Variants in SLC9A9 observed in about 807,000 individuals in gnomAD.
The protein encoded by SLC9A9 is sodium/hydrogen exchanger 9.
SLC9A9 carries 62 observed loss-of-function variants against 77.8 expected under a neutral mutation model. That is an observed-to-expected ratio of 0.80 (90% CI 0.65 to 0.98). SLC9A9 has a LOEUF of 0.98. Among genes scored for constraint, SLC9A9 ranks in the 50% least tolerant of loss-of-function variants. SLC9A9 has a pLI of 0.00. For synonymous variants in SLC9A9, 320 were observed against 283.5 expected (o/e 1.13, Z -1.29); for missense variants, 775 against 774.9 (o/e 1.00, Z 0.00).
At chr3:143,750,356 A>G (rs2108824047) in intron 4 of SLC9A9, among the ~76,000 whole-genome samples, 1 of 152,302 alleles carries the variant, frequency 6.6e-6, no homozygotes, top group East Asian at 1.9e-4. Context: ...CAGAGCCCCA[A>G]TTCTCTTGCA....
chr3:143,832,980 C>T (rs4839671), intron 1 of SLC9A9, among the ~76,000 whole-genome samples: 143,049 of 152,186 alleles, frequency 0.94, 67,460 homozygotes, highest in East Asian at 1. Context: ...ATTCTAATGA[C>T]ACCACATTCC....
intron 1 of SLC9A9, among the ~76,000 whole-genome samples, chr3:143,838,332 C>T (rs960066974): frequency 6.6e-6 from 1 of 152,170 alleles, no homozygotes; most frequent in Non-Finnish European, 1.5e-5. Flanking sequence ...TGACGCACAT[C>T]AAGCAGTTTG....
chr3:143,704,474 T>G (rs1450206476), intron 4 of SLC9A9, among the ~76,000 whole-genome samples: 1 of 152,112 alleles, frequency 6.6e-6, no homozygotes, highest in African/African-American at 2.4e-5. Flanking sequence ...AAAAACCATA[T>G]GATCATTTCA....
Position 143,572,202 on chromosome 3 carries a change from A to T in SLC9A9, c.1000+1886T>A, listed in dbSNP as rs1051090865. ...TAGCAATTTGTTCAGTTTCCCATGG[A>T]TCTTAGCCTTTAATGTAGTTGATAG... On this transcript the variant is annotated intron_variant, in intron 8 of 15. Coordinates refer to ENST00000316549, the MANE Select transcript of SLC9A9 (RefSeq NM_173653.4). Among the ~76,000 whole-genome samples the T allele has an allele frequency of 3.3e-5, 5 of 152,130 alleles. No individual in the cohort carries two copies. The South Asian group carries it at 1.0e-3, about 32-fold the overall frequency.
intron 14 of SLC9A9, among the ~76,000 whole-genome samples, chr3:143,361,460 A>G (rs2032751052): frequency 6.6e-6 from 1 of 152,236 alleles, no homozygotes; most frequent in South Asian, 2.1e-4. Context: ...GGTGGACAAT[A>G]GAATGAACAT....
chr3:143,586,100 A>G (rs1039814948), intron 6 of SLC9A9, among the ~76,000 whole-genome samples: 3 of 152,224 alleles, frequency 2.0e-5, no homozygotes, highest in Non-Finnish European at 2.9e-5. Context: ...CTCCCCAGGG[A>G]TAACCCCTTT....
chr3:143,604,200 A>G (rs57212657), intron 6 of SLC9A9, among the ~76,000 whole-genome samples: 16,117 of 152,170 alleles, frequency 0.11, 1,011 homozygotes, highest in Non-Finnish European at 0.14. Context: ...ACTTTTAGTT[A>G]TCCTTTTTGA....
At chr3:143,389,429 C>T (rs180701645) in intron 12 of SLC9A9, among the ~76,000 whole-genome samples, 1 of 152,112 alleles carries the variant, frequency 6.6e-6, no homozygotes, top group Non-Finnish European at 1.5e-5. Flanking sequence ...AGGACAGGCT[C>T]ACTGTGGGAA....
chr3:143,633,214 T>C (rs2038456765), intron 6 of SLC9A9, among the ~76,000 whole-genome samples: 1 of 152,174 alleles, frequency 6.6e-6, no homozygotes, highest in Non-Finnish European at 1.5e-5. Flanking sequence ...ATCTATCAGG[T>C]GAGCAGGGAG....
At chr3:143,565,708 G>T (rs1228397681) in intron 8 of SLC9A9, among the ~76,000 whole-genome samples, 2 of 147,742 alleles carry the variant, frequency 1.4e-5, no homozygotes, top group African/African-American at 5.1e-5. Flanking sequence ...TGAGCCTCAG[G>T]GTTTTGTTTT....
At chr3:143,571,981 T>G (rs1021967170) in intron 8 of SLC9A9, among the ~76,000 whole-genome samples, 5 of 152,232 alleles carry the variant, frequency 3.3e-5, no homozygotes, top group Admixed American at 3.3e-4. Context: ...GTTAGGCACA[T>G]TGCCTAAATC....
At chr3:143,620,022 G>A (rs1036038391) in intron 6 of SLC9A9, among the ~76,000 whole-genome samples, 4 of 152,144 alleles carry the variant, frequency 2.6e-5, no homozygotes, top group African/African-American at 9.7e-5. Flanking sequence ...CCTTAACACA[G>A]CTGTATCTTA....
chr3:143,639,183 C>T lies in SLC9A9; in HGVS notation c.755+13072G>A, dbSNP rs73005537. Among the ~76,000 whole-genome samples, 150 of 152,318 alleles carry T rather than the reference C, an allele frequency of 9.8e-4. 1 individual carries two copies. Among genetic ancestry groups the T allele is most frequent in the African/African-American group, 3.5e-3 (144 of 41,562 alleles). On this transcript the variant is annotated intron_variant, in intron 6 of 15. Coordinates refer to ENST00000316549, the MANE Select transcript of SLC9A9 (RefSeq NM_173653.4). ...GTTTAGCTGCACCTACCCTCCACCC[C>T]CTGAAGTGAGAGCCATAGCTTCCTT... is the stretch of plus-strand genomic sequence containing the variant.
chr3:143,324,263 C>A (rs2031510264), intron 14 of SLC9A9, among the ~76,000 whole-genome samples: 6 of 152,118 alleles, frequency 3.9e-5, no homozygotes, highest in Admixed American at 3.9e-4. Flanking sequence ...GTGGGTGAGC[C>A]TTGTCTAAGT....
intron 12 of SLC9A9, among the ~76,000 whole-genome samples, chr3:143,458,455 A>G (rs1465616625): frequency 6.6e-6 from 1 of 152,088 alleles, no homozygotes; most frequent in African/African-American, 2.4e-5. Context: ...ATTTAGATCT[A>G]TCATTTTATT....
At chr3:143,688,424 T>C (rs554818236) in intron 5 of SLC9A9, among the ~76,000 whole-genome samples, 2 of 152,262 alleles carry the variant, frequency 1.3e-5, no homozygotes, top group East Asian at 3.9e-4. Flanking sequence ...GACCAGGGAA[T>C]GCTGGTTGCA....
In SLC9A9 at chr3:143,693,293, C is replaced by T; in HGVS notation, c.548G>A (p.Gly183Asp). The change falls in exon 5 of 16, where the codon GGT becomes GAT. Residue 183 changes from glycine to aspartate, a missense_variant. By Grantham distance (94) the Gly-to-Asp change is moderately conservative (BLOSUM62 -1). Transcript: ENST00000316549. ...AGCATGTATCATAGCCTTCACAAAA[C>T]CATACATAATTAACCTGTTGAAGAG... The part of the protein sequence containing the change: ...SCIVIGLIMY[G>D]FVKAMIHAGQ... The T allele has an allele frequency of 6.2e-7, 1 of 1,612,990 alleles. No individual in the cohort carries two copies. The highest frequency in any genetic ancestry group is 8.5e-7 in the Non-Finnish European group (1 of 1,179,246).
chr3:143,611,227 A>G (rs2038017530), intron 6 of SLC9A9, among the ~76,000 whole-genome samples: 1 of 152,208 alleles, frequency 6.6e-6, no homozygotes, highest in African/African-American at 2.4e-5. Context: ...GATAGAATAT[A>G]GATAAAAAGA....
At position 143,319,670 on chromosome 3, in the gene SLC9A9, G is replaced by A. The variant is rs576158016; in HGVS notation, c.1604+43814C>T. On this transcript the variant is annotated intron_variant, in intron 14 of 15. Transcript: ENST00000316549. ...TGTATTATTATCATTTGTCTTTTCC[G>A]CTGCTGACATTTGCAGTCTGTTGCA... is the stretch of plus-strand genomic sequence containing the variant. 1.2e-3 allele frequency among the ~76,000 whole-genome samples: 179 copies of A among 152,302 alleles called. 1 individual carries two copies. The highest frequency in any genetic ancestry group is 2.1e-3 in the Non-Finnish European group (141 of 68,024).
Sources: allele counts gnomAD v4.1 joint callset (sites outside exome capture counted in the v4.1 genomes callset), GRCh38; gene constraint gnomAD v4.1.1; transcripts MANE v1.5; gene names NCBI Gene and HGNC (gene_info 2026-07-23, HGNC 2026-07-21).